Variants in ABCB5 observed in about 807,000 individuals in gnomAD.
ABCB5 encodes ATP-binding cassette sub-family B member 5.
ABCB5 carries 155 observed loss-of-function variants against 144.2 expected under a neutral mutation model. That is an observed-to-expected ratio of 1.08 (90% confidence interval 0.94 to 1.23). The LOEUF (loss-of-function observed/expected upper bound fraction) is 1.23, where lower values mean the gene tolerates loss of function less well. Among genes scored for constraint, ABCB5 ranks in the 50% most tolerant of loss-of-function variants. ABCB5 has a pLI of 0.00. For synonymous variants in ABCB5, 610 were observed against 528.6 expected, an observed-to-expected ratio of 1.15 and a Z score of -2.11; for missense variants, 1,830 against 1,520.8, an observed-to-expected ratio of 1.20 and a Z score of -3.38.
chr7:20,681,788 G>C, intron 15 of ABCB5, 122 bp downstream of exon 15: 2 of 1,104,710 alleles, frequency 1.8e-6, no homozygotes, highest in South Asian at 1.6e-5. Flanking sequence ...AAGGTTTATA[G>C]TTCCTCAGTA....
At chr7:20,644,539 T>C (rs1271819631) in intron 7 of ABCB5, among the ~76,000 whole-genome samples, 1 of 152,244 alleles carries the variant, frequency 6.6e-6, no homozygotes, top group Non-Finnish European at 1.5e-5. Context: ...TAACACAAAA[T>C]TGTAATCTTA....
At chr7:20,693,771 A>G (rs1043751744) in intron 16 of ABCB5, among the ~76,000 whole-genome samples, 10 of 151,954 alleles carry the variant, frequency 6.6e-5, no homozygotes, top group Admixed American at 2.0e-4. Flanking sequence ...CTGAGCAAGA[A>G]AAAAAAGAAG....
In ABCB5 at chr7:20,651,459, C is replaced by G. The variant is rs145374843; in HGVS notation, c.1372C>G (p.Arg458Gly). 1.9e-6 allele frequency: 3 copies of G among 1,613,872 alleles called. No individual in the cohort carries two copies. In the South Asian group the frequency reaches 3.3e-5, roughly 18 times the overall value. ...DENDIRALNV[R>G]HYRDHIGVVS... The stretch of plus-strand genomic sequence containing the variant: ...GAATGACATCAGAGCTTTAAATGTG[C>G]GGCATTATCGAGACCATATTGGAGT... The change falls in exon 13 of 28, where the codon CGG becomes GGG. Residue 458 changes from arginine to glycine, a missense_variant. Coordinates refer to ENST00000404938, the MANE Select transcript of ABCB5 (RefSeq NM_001163941.2).
intron 24 of ABCB5, among the ~76,000 whole-genome samples, chr7:20,741,590 A>T (rs1190965912): frequency 6.6e-6 from 1 of 151,868 alleles, no homozygotes; most frequent in Non-Finnish European, 1.5e-5. Flanking sequence ...CTATTTCTAG[A>T]TCTCTTAACC....
At position 20,755,455 on chromosome 7, in the gene ABCB5, G is replaced by C; in HGVS notation, c.3605G>C (p.Arg1202Thr). ...GTTCAGCATGCCCTTGATAAAGCCA[G>C]GACGGGAAGGACATGCCTAGTGGTC... is the stretch of plus-strand genomic sequence containing the variant. ...KVVQHALDKA[R>T]TGRTCLVVTH... The change falls in exon 28 of 28, where the codon AGG becomes ACG. Residue 1202 changes from arginine to threonine, a missense_variant. Transcript: ENST00000404938. 2 of 1,614,204 alleles carry C rather than the reference G, an allele frequency of 1.2e-6. No individual in the cohort carries two copies. The highest frequency in any genetic ancestry group is 1.7e-6 in the Non-Finnish European group (2 of 1,180,046).
chr7:20,622,869 G>C (rs1050985846), intron 1 of ABCB5, among the ~76,000 whole-genome samples: 1 of 152,146 alleles, frequency 6.6e-6, no homozygotes, highest in South Asian at 2.1e-4. Context: ...AAAAACTACT[G>C]CATCAGTTTT....
chr7:20,648,144 C>A, intron 11 of ABCB5, 66 bp downstream of exon 11: 2 of 975,162 alleles, frequency 2.1e-6, no homozygotes, highest in South Asian at 1.5e-5. Context: ...CCAAGATCTT[C>A]TCTGACATGA....
At chr7:20,718,405 A>G (rs946244587) in intron 20 of ABCB5, among the ~76,000 whole-genome samples, 2 of 152,234 alleles carry the variant, frequency 1.3e-5, no homozygotes, top group African/African-American at 4.8e-5. Context: ...GAGTTAGTGT[A>G]TCATACCCTT....
intron 21 of ABCB5, among the ~76,000 whole-genome samples, chr7:20,726,643 A>T (rs1490330487): frequency 1.3e-5 from 2 of 152,200 alleles, no homozygotes; most frequent in Non-Finnish European, 2.9e-5. Flanking sequence ...CTGGGATTAC[A>T]ATCATAAGCC....
chr7:20,670,651 T>G (rs113390180), intron 14 of ABCB5, among the ~76,000 whole-genome samples: 1 of 152,228 alleles, frequency 6.6e-6, no homozygotes, highest in Non-Finnish European at 1.5e-5. Context: ...GGCTCATGCT[T>G]GTAATCCCAG....
chr7:20,742,351 G>T (rs767230932), intron 24 of ABCB5, among the ~76,000 whole-genome samples: 1 of 151,310 alleles, frequency 6.6e-6, no homozygotes, highest in African/African-American at 2.4e-5. Flanking sequence ...TCCAGCCTGG[G>T]TGACAGAGCT....
At position 20,643,758 on chromosome 7, in the gene ABCB5, C is replaced by T. The variant is rs992174584; in HGVS notation, c.678+126C>T. The T allele has an allele frequency of 2.2e-5, 22 of 984,132 alleles. No individual in the cohort carries two copies. In the South Asian group the frequency reaches 3.2e-4, roughly 14 times the overall value. 61.0% of individuals were successfully genotyped at this position (984,132 alleles called of 1,614,324 possible). ...TCCCAAACTACAAAGGGATATTATA[C>T]ACCACAAATACTTTTGATTTTGTTC... On this transcript the variant is annotated intron_variant, in intron 7 of 27. Coordinates refer to ENST00000404938, the MANE Select transcript of ABCB5 (RefSeq NM_001163941.2).
Position 20,643,570 on chromosome 7 carries a change from C to G in ABCB5, c.616C>G (p.Leu206Val), listed in dbSNP as rs780716908. ...AGTTGGTTTGGTGAAGGGCTGGAAA[C>G]TCACCCTAGTGACTCTATCCACGTC... is the stretch of plus-strand genomic sequence containing the variant. ...LAVGLVKGWK[L>V]TLVTLSTSPL... Residue 206 changes from leucine (L) to valine (V), a missense_variant, in exon 7 of 28, where the codon CTC (leucine) becomes GTC (valine). By Grantham distance (32) the Leu-to-Val change is conservative (BLOSUM62 1). Coordinates refer to ENST00000404938, the MANE Select transcript of ABCB5 (RefSeq NM_001163941.2). The G allele has an allele frequency of 1.6e-5, 26 of 1,613,884 alleles. No homozygotes were observed. Among genetic ancestry groups the G allele is most frequent in the Non-Finnish European group, 1.3e-5 (15 of 1,179,892 alleles).
intron 11 of ABCB5, 47 bp downstream of exon 11, chr7:20,648,125 T>A: frequency 8.8e-7 from 1 of 1,131,688 alleles, no homozygotes. Context: ...TGATATTATC[T>A]TCTACTGGCC....
rs757784479 is a variant in ABCB5, at chr7:20,742,964, C to T, written c.3112C>T (p.Leu1038Phe). Reference protein sequence around the residue: ...PDVFILRGLSLSIERGKTVAF... With the variant: ...PDVFILRGLSFSIERGKTVAF... ...TGTTTTCATCCTCCGTGGCTTATCCCTCAGTATTGAGCGAGGAAAGACAGT... is the reference window on the plus strand; with the variant it reads ...TGTTTTCATCCTCCGTGGCTTATCCTTCAGTATTGAGCGAGGAAAGACAGT... The change falls in exon 25 of 28, where the codon CTC becomes TTC. Residue 1038 changes from leucine (L) to phenylalanine (F), a missense_variant. Leu to Phe is a conservative substitution (Grantham distance 22, BLOSUM62 0). Coordinates refer to ENST00000404938, the MANE Select transcript of ABCB5 (RefSeq NM_001163941.2). 3.1e-6 allele frequency: 5 copies of T among 1,614,140 alleles called. No individual in the cohort carries two copies. The highest frequency in any genetic ancestry group is 2.2e-5 in the South Asian group (2 of 91,070).
In ABCB5 at chr7:20,755,523, G is replaced by A; in HGVS notation, c.3673G>A (p.Val1225Ile). The change falls in exon 28 of 28, where the codon GTT becomes ATT. Residue 1225 changes from valine (V) to isoleucine (I), a missense_variant. Coordinates refer to ENST00000404938, the MANE Select transcript of ABCB5 (RefSeq NM_001163941.2). ...AATTCAGAACGCAGATTTGATAGTG[G>A]TTCTGCACAATGGAAAGATAAAGGA... ...SAIQNADLIV[V>I]LHNGKIKEQG... The A allele has an allele frequency of 6.2e-7, 1 of 1,614,166 alleles. No homozygotes were observed. The highest frequency in any genetic ancestry group is 8.5e-7 in the Non-Finnish European group (1 of 1,180,018).
rs1355486850 is a variant in ABCB5 at position 20,719,294 on chromosome 7, T to C, written c.2422-3722T>C. ...GTTTCAGCTTATTGCTTAAGTATCA[T>C]ACATCCCACTGAAAGATGATCCATA... On this transcript the variant is annotated intron_variant, in intron 20 of 27. Transcript: ENST00000404938. Among the ~76,000 whole-genome samples the C allele has an allele frequency of 2.0e-5, 3 of 152,176 alleles. No homozygotes were observed. The East Asian group carries it at 5.8e-4, about 29-fold the overall frequency.
intron 5 of ABCB5, among the ~76,000 whole-genome samples, chr7:20,635,375 T>C (rs566498838): frequency 1.5e-4 from 20 of 137,788 alleles, no homozygotes; most frequent in African/African-American, 5.6e-4. Flanking sequence ...ATAGTTGTTT[T>C]GGTTATAAAG....
At chr7:20,681,711 T>C (rs1457375953) in intron 15 of ABCB5, 45 bp downstream of exon 15, 1 of 1,588,854 alleles carries the variant, frequency 6.3e-7, no homozygotes, top group African/African-American at 1.3e-5. Context: ...GGTTTAACGT[T>C]TCAGAGATCA....
Sources: allele counts gnomAD v4.1 joint callset (sites outside exome capture counted in the v4.1 genomes callset), GRCh38; gene constraint gnomAD v4.1.1; transcripts MANE v1.5; gene names NCBI Gene and HGNC (gene_info 2026-07-23, HGNC 2026-07-21).